Variants in SMAD5 observed in about 807,000 individuals in gnomAD.
The protein encoded by SMAD5 is SMAD family member 5.
In SMAD5, 9 loss-of-function variants were observed where a neutral mutation model predicts 43.1. That is an observed-to-expected ratio of 0.21 (90% confidence interval 0.13 to 0.36). The LOEUF (loss-of-function observed/expected upper bound fraction) is 0.36. SMAD5 is among the 10% of genes least tolerant of loss of function. The pLI is 1.00. For synonymous variants in SMAD5, 190 were observed against 192.4 expected, an observed-to-expected ratio of 0.99 and a Z score of 0.10; for missense variants, 348 against 574.0, an observed-to-expected ratio of 0.61 and a Z score of 4.02.
intron 3 of SMAD5, among the ~76,000 whole-genome samples, chr5:136,155,074 C>G (rs1315022914): frequency 6.6e-6 from 1 of 152,180 alleles, no homozygotes. Context: ...TAAGCTGATG[C>G]TCACATTTTG....
Position 136,139,301 on chromosome 5 carries a change from C to T in SMAD5, c.-245+6339C>T, listed in dbSNP as rs76435090. 2.0e-4 allele frequency among the ~76,000 whole-genome samples: 31 copies of T among 152,094 alleles called. No homozygotes were observed. In the East Asian group the frequency reaches 5.6e-3, roughly 27 times the overall value. ...GAACAGGACCTTTGGGTTATTGATT[C>T]AACATGAATTCATTTGAAATAGAAG... On this transcript the variant is annotated intron_variant, in intron 1 of 7. Coordinates refer to ENST00000545279, the MANE Select transcript of SMAD5 (RefSeq NM_005903.7).
At chr5:136,154,647 A>G (rs555829698) in intron 3 of SMAD5, among the ~76,000 whole-genome samples, 1 of 151,878 alleles carries the variant, frequency 6.6e-6, no homozygotes, top group African/African-American at 2.4e-5. Context: ...ACATAACCCA[A>G]CCCCAATCAC....
intron 1 of SMAD5, among the ~76,000 whole-genome samples, chr5:136,136,704 G>C (rs1278515685): frequency 6.6e-6 from 1 of 152,014 alleles, no homozygotes; most frequent in Admixed American, 6.6e-5. Flanking sequence ...AGCTAGTTCT[G>C]GGCTATTTAT....
In SMAD5 at chr5:136,151,704, A is replaced by G. The variant is rs188634053; in HGVS notation, c.-169-1888A>G. Reference sequence around the variant, plus strand: ...CTCTCACACATACGTACACTACCCTATCTAGCCCCCCATTATATTCTAGTG... The same window carrying G: ...CTCTCACACATACGTACACTACCCTGTCTAGCCCCCCATTATATTCTAGTG... On this transcript the variant is annotated intron_variant, in intron 2 of 7. Coordinates refer to ENST00000545279, the MANE Select transcript of SMAD5 (RefSeq NM_005903.7). Among the ~76,000 whole-genome samples the G allele has an allele frequency of 2.6e-4, 40 of 152,044 alleles. No individual in the cohort carries two copies. The East Asian group carries it at 6.6e-3, about 25-fold the overall frequency.
chr5:136,173,513 C>A (rs918521488), intron 6 of SMAD5, among the ~76,000 whole-genome samples: 2 of 152,050 alleles, frequency 1.3e-5, no homozygotes, highest in African/African-American at 2.4e-5. Flanking sequence ...TTTTCATTGT[C>A]TTGAGTTTAC....
At position 136,179,266 on chromosome 5, in the gene SMAD5, T is replaced by C. The variant is rs1020881600; in HGVS notation, c.*1786T>C. The C allele has an allele frequency of 6.6e-6, 1 of 152,604 alleles. No homozygotes were observed. The highest frequency in any genetic ancestry group is 1.5e-5 in the Non-Finnish European group (1 of 68,036). 9.5% of individuals were successfully genotyped at this position (152,604 alleles called of 1,614,324 possible). A position where few individuals can be genotyped will look rare whatever the true frequency, so the allele number is the denominator to read the frequency against. On this transcript the variant is annotated 3_prime_UTR_variant, in exon 8 of 8. Transcript: ENST00000545279. ...GGATAAAGAACTTTGAACCAGTTTT[T>C]TTCTCAGGAGCTGTCAAATGGACAC...
rs1475377924 is a variant in SMAD5, at chr5:136,182,074, T to C, written c.*4594T>C. 1 of 152,166 alleles carries C rather than the reference T, an allele frequency of 6.6e-6. No individual in the cohort carries two copies. Among genetic ancestry groups the C allele is most frequent in the Non-Finnish European group, 1.5e-5 (1 of 68,020 alleles). The allele number at this position is 152,166 out of a possible 1,614,324, so 9.4% of individuals were successfully genotyped here. ...AATTCTTAAAATGATCGTAAACCAT[T>C]ATCCTTTAAAGGTTTATTTGAAGAT... On this transcript the variant is annotated 3_prime_UTR_variant, in exon 8 of 8. Transcript: ENST00000545279.
chr5:136,153,925 C>T lies in SMAD5; in HGVS notation c.165C>T (p.Ala55=). 1 of 1,613,922 alleles carries T rather than the reference C, an allele frequency of 6.2e-7. No homozygotes were observed. Among genetic ancestry groups the T allele is most frequent in the Middle Eastern group, 1.7e-4 (1 of 6,060 alleles). Residue 55 remains alanine, a synonymous_variant, in exon 3 of 8, where the codon GCC becomes GCT. Transcript: ENST00000545279. ...KKGAMEELEK[A]LSSPGQPSKC... is the part of the protein sequence containing the mutation. The stretch of plus-strand genomic sequence containing the variant: ...GTGCCATGGAGGAACTGGAGAAAGC[C>T]TTGAGCAGTCCAGGACAGCCGAGTA...
intron 5 of SMAD5, among the ~76,000 whole-genome samples, chr5:136,167,730 ATCAT>A (rs1366469011): frequency 6.6e-6 from 1 of 151,148 alleles, no homozygotes; most frequent in Non-Finnish European, 1.5e-5. Flanking sequence ...GTGAGCCGAG[ATCAT>A]GCTACTGTGC....
intron 7 of SMAD5, among the ~76,000 whole-genome samples, chr5:136,176,969 A>G (rs1244623724): frequency 1.3e-5 from 2 of 152,012 alleles, no homozygotes; most frequent in Non-Finnish European, 2.9e-5. Flanking sequence ...TCTAGTGGTG[A>G]TTTTCTATTT....
chr5:136,152,977 A>G (rs1325872209), intron 2 of SMAD5, among the ~76,000 whole-genome samples: 1 of 152,202 alleles, frequency 6.6e-6, no homozygotes, highest in Non-Finnish European at 1.5e-5. Context: ...AATTTATTCA[A>G]CATACTTAGT....
chr5:136,135,933 A>C (rs886924229), intron 1 of SMAD5, among the ~76,000 whole-genome samples: 1 of 152,224 alleles, frequency 6.6e-6, no homozygotes, highest in Non-Finnish European at 1.5e-5. Flanking sequence ...CAAGCAGCTT[A>C]TAGCCTATGA....
chr5:136,153,753 T>C lies in SMAD5; in HGVS notation c.-8T>C. ...AGTTACAGGAAGGTCTCCGAAGATT[T>C]GTGTCAAATGACGTCAATGGCCAGC... On this transcript the variant is annotated 5_prime_UTR_variant, in exon 3 of 8. Coordinates refer to ENST00000545279, the MANE Select transcript of SMAD5 (RefSeq NM_005903.7). 1 of 1,596,860 alleles carries C rather than the reference T, an allele frequency of 6.3e-7. No individual in the cohort carries two copies. The highest frequency in any genetic ancestry group is 8.5e-7 in the Non-Finnish European group (1 of 1,171,254).
rs572422976 is a variant in SMAD5, at chr5:136,147,308, T to C, written c.-244-524T>C. On this transcript the variant is annotated intron_variant, in intron 1 of 7. Transcript: ENST00000545279. ...TGTGAGAAGGTTGGGTTAAAGTTGA[T>C]AGGTTGATGACATACGTTAAGTGGT... The C allele has an allele frequency of 7.2e-5, 11 of 151,930 alleles. No homozygotes were observed. In the East Asian group the frequency reaches 1.7e-3, roughly 24 times the overall value. 9.4% of individuals were successfully genotyped at this position (151,930 alleles called of 1,614,324 possible). A position where few individuals can be genotyped will look rare whatever the true frequency, so the allele number is the denominator to read the frequency against.
In SMAD5 at chr5:136,180,192, T is replaced by A. The variant is rs1257698944; in HGVS notation, c.*2712T>A. 1.3e-5 allele frequency: 2 copies of A among 152,172 alleles called. No individual in the cohort carries two copies. Among genetic ancestry groups the A allele is most frequent in the African/African-American group, 4.8e-5 (2 of 41,444 alleles). 9.4% of individuals were successfully genotyped at this position (152,172 alleles called of 1,614,324 possible). Reference sequence around the variant, plus strand: ...TTTTCATATATCTATGTATAGGAGATAAAATTTGCTAGTAAGATTTTTAAA... The same window carrying A: ...TTTTCATATATCTATGTATAGGAGAAAAAATTTGCTAGTAAGATTTTTAAA... On this transcript the variant is annotated 3_prime_UTR_variant, in exon 8 of 8. Transcript: ENST00000545279.
chr5:136,138,812 G>C (rs1051179973), intron 1 of SMAD5, among the ~76,000 whole-genome samples: 2 of 152,184 alleles, frequency 1.3e-5, no homozygotes, highest in African/African-American at 4.8e-5. Context: ...AATGTGGGCA[G>C]TAAGGCCCTT....
intron 1 of SMAD5, among the ~76,000 whole-genome samples, chr5:136,137,181 G>T (rs1302849108): frequency 1.3e-5 from 2 of 151,306 alleles, no homozygotes; most frequent in Admixed American, 6.6e-5. Context: ...TCAGTTCTGT[G>T]TGTGCAATAC....
chr5:136,137,270 A>ACCAC (rs1554101164), intron 1 of SMAD5, among the ~76,000 whole-genome samples: 1 of 125,218 alleles, frequency 8.0e-6, no homozygotes, highest in Non-Finnish European at 1.7e-5. Flanking sequence ...ATTTTTTGGG[A>ACCAC]CCCCCCCCCG....
At chr5:136,161,725 G>T (rs1290378819) in intron 4 of SMAD5, among the ~76,000 whole-genome samples, 2 of 152,182 alleles carry the variant, frequency 1.3e-5, no homozygotes, top group Non-Finnish European at 2.9e-5. Context: ...TGTCATATAT[G>T]GACATGTCAG....
Sources: allele counts gnomAD v4.1 joint callset (sites outside exome capture counted in the v4.1 genomes callset), GRCh38; gene constraint gnomAD v4.1.1; transcripts MANE v1.5; gene names NCBI Gene and HGNC (gene_info 2026-07-23, HGNC 2026-07-21).